Variants in MSRA observed in about 807,000 individuals in gnomAD.
MSRA encodes mitochondrial peptide methionine sulfoxide reductase.
MSRA carries 54 observed loss-of-function variants against 31.3 expected under a neutral mutation model. That is an observed-to-expected ratio of 1.73 (90% CI 1.39 to 2.17). The LOEUF (loss-of-function observed/expected upper bound fraction) is 2.17. Ranked by LOEUF, MSRA falls within the 30% of genes most tolerant of loss-of-function variation. MSRA has a pLI of 0.00. For missense variants in MSRA, 507 were observed against 300.9 expected, an observed-to-expected ratio of 1.69 and a Z score of -5.07; for synonymous variants, 169 against 116.5, an observed-to-expected ratio of 1.45 and a Z score of -2.90.
At chr8:10,135,878 A>G (rs916330467) in intron 1 of MSRA, among the ~76,000 whole-genome samples, 1 of 152,204 alleles carries the variant, frequency 6.6e-6, no homozygotes, top group African/African-American at 2.4e-5. Flanking sequence ...AGGCATAACG[A>G]ACCATGCAGA....
In MSRA at chr8:10,428,532, A is replaced by G. The variant is rs11250009; in HGVS notation, c.*220A>G. On this transcript the variant is annotated 3_prime_UTR_variant, in exon 6 of 6. Coordinates refer to ENST00000317173, the MANE Select transcript of MSRA (RefSeq NM_012331.5). ...AGTTATGGTGGGAGTGGAGCTGTGC[A>G]GTTTCCTGTGTCTTCTGGGGTCTGA... The G allele has an allele frequency of 1, 508,880 of 510,936 alleles. 253,445 individuals are homozygous for G. Among genetic ancestry groups the G allele is most frequent in the South Asian group, 1 (47,039 of 47,046 alleles). The allele number at this position is 510,936 out of a possible 1,614,324, so 31.7% of individuals were successfully genotyped here.
chr8:10,150,766 G>A (rs1214926920), intron 1 of MSRA, among the ~76,000 whole-genome samples: 4 of 152,146 alleles, frequency 2.6e-5, no homozygotes, highest in South Asian at 2.1e-4. Context: ...CAAGCGCGCA[G>A]GATTAAAAAG....
intron 5 of MSRA, among the ~76,000 whole-genome samples, chr8:10,384,118 T>G (rs1806241056): frequency 6.6e-6 from 1 of 152,304 alleles, no homozygotes; most frequent in African/African-American, 2.4e-5. Context: ...TGCCCAGAGC[T>G]TGTACCTTAA....
At chr8:10,200,328 C>T (rs1393954671) in intron 1 of MSRA, among the ~76,000 whole-genome samples, 1 of 152,190 alleles carries the variant, frequency 6.6e-6, no homozygotes, top group Non-Finnish European at 1.5e-5. Flanking sequence ...CCATCACATA[C>T]CTTTTGTTTT....
intron 1 of MSRA, among the ~76,000 whole-genome samples, chr8:10,064,359 T>C (rs879710928): frequency 6.7e-6 from 1 of 150,272 alleles, no homozygotes; most frequent in African/African-American, 2.4e-5. Flanking sequence ...TTTTGCCCAT[T>C]TTTTTTTTTT....
intron 3 of MSRA, among the ~76,000 whole-genome samples, chr8:10,291,191 C>T (rs1472565888): frequency 6.6e-6 from 1 of 152,278 alleles, no homozygotes; most frequent in Admixed American, 6.5e-5. Flanking sequence ...CAGTACTGAG[C>T]TGTGTTTATG....
intron 5 of MSRA, among the ~76,000 whole-genome samples, chr8:10,403,500 C>G (rs7825778): frequency 6.6e-6 from 1 of 151,944 alleles, no homozygotes; most frequent in Admixed American, 6.5e-5. Context: ...AGAGCCTGGG[C>G]GAGAGAATTG....
rs528850352 is a variant in MSRA, at chr8:10,228,159, G to T, written c.212-16945G>T. Among the ~76,000 whole-genome samples the T allele has an allele frequency of 1.2e-3, 180 of 152,178 alleles. 5 individuals are homozygous for T. Among genetic ancestry groups the T allele is most frequent in the Non-Finnish European group, 5.7e-4 (39 of 68,024 alleles). On this transcript the variant is annotated intron_variant, in intron 2 of 5. Transcript: ENST00000317173. ...GCTACCTTTCTAGAGTTGAGCTCAG[G>T]ATATTTCTGGTCTCTGCCTATGTTC...
intron 5 of MSRA, among the ~76,000 whole-genome samples, chr8:10,380,885 A>AGATG (rs562055078): frequency 5.2e-4 from 75 of 144,316 alleles, no homozygotes; most frequent in Admixed American, 2.1e-3. Context: ...GTGGGTGGGT[A>AGATG]GATGGATGGA....
At chr8:10,199,002 G>T (rs1399431128) in intron 1 of MSRA, among the ~76,000 whole-genome samples, 1 of 152,172 alleles carries the variant, frequency 6.6e-6, no homozygotes, top group Non-Finnish European at 1.5e-5. Flanking sequence ...ATCAAAGCTA[G>T]TCTCTCTTTT....
chr8:10,123,903 C>A (rs1200623433), intron 1 of MSRA, among the ~76,000 whole-genome samples: 2 of 151,406 alleles, frequency 1.3e-5, no homozygotes, highest in East Asian at 3.9e-4. Flanking sequence ...CTCACTCTGT[C>A]ACCCAGGCTA....
intron 3 of MSRA, among the ~76,000 whole-genome samples, chr8:10,273,477 C>A (rs540514863): frequency 5.9e-5 from 9 of 152,252 alleles, no homozygotes; most frequent in African/African-American, 1.7e-4. Context: ...TTCTATCCCA[C>A]AATATTCTTT....
chr8:10,116,573 C>G (rs1244187921), intron 1 of MSRA, among the ~76,000 whole-genome samples: 2 of 152,160 alleles, frequency 1.3e-5, no homozygotes, highest in African/African-American at 2.4e-5. Context: ...AGACAAATCA[C>G]TTGGATATCG....
At chr8:10,081,843 C>G (rs17688059) in intron 1 of MSRA, among the ~76,000 whole-genome samples, 1 of 152,120 alleles carries the variant, frequency 6.6e-6, no homozygotes, top group Non-Finnish European at 1.5e-5. Flanking sequence ...GCGGGGACCT[C>G]TTGATCTGCA....
At chr8:10,408,092 A>T (rs1019428201) in intron 5 of MSRA, among the ~76,000 whole-genome samples, 2 of 152,090 alleles carry the variant, frequency 1.3e-5, no homozygotes, top group African/African-American at 4.8e-5. Context: ...TAGCAGGAAA[A>T]CTGTGTCACC....
At chr8:10,127,631 C>T (rs993005030) in intron 1 of MSRA, among the ~76,000 whole-genome samples, 12 of 152,148 alleles carry the variant, frequency 7.9e-5, no homozygotes, top group African/African-American at 2.9e-4. Flanking sequence ...TATTTAACAT[C>T]CAATCCATCA....
intron 5 of MSRA, among the ~76,000 whole-genome samples, chr8:10,333,260 C>T (rs1390291246): frequency 6.6e-6 from 1 of 152,154 alleles, no homozygotes; most frequent in Non-Finnish European, 1.5e-5. Context: ...GTCCAGACCC[C>T]TTGTGGAATG....
intron 1 of MSRA, among the ~76,000 whole-genome samples, chr8:10,093,781 C>G (rs999696146): frequency 3.3e-5 from 5 of 152,044 alleles, no homozygotes; most frequent in Non-Finnish European, 7.4e-5. Context: ...TGGAAAAGTT[C>G]CTTTATTTCT....
intron 4 of MSRA, among the ~76,000 whole-genome samples, chr8:10,317,379 AGAG>A (rs1286164656): frequency 6.6e-6 from 1 of 152,250 alleles, no homozygotes; most frequent in African/African-American, 2.4e-5. Flanking sequence ...CCCTCTGAGC[AGAG>A]GAGAAGTCAT....
Sources: gnomAD v4.1 joint callset for allele counts (sites outside exome capture counted in the v4.1 genomes callset) on GRCh38, gnomAD v4.1.1 for gene constraint, MANE v1.5 for transcripts, NCBI Gene and HGNC (gene_info 2026-07-23, HGNC 2026-07-21) for gene names.